The following MAP4K3 variants were observed in gnomAD, a reference collection of about 807,000 sequenced individuals.
MAP4K3 encodes mitogen-activated protein kinase kinase kinase kinase 3, also known as MAPK/ERK kinase kinase kinase 3.
A neutral mutation model predicts 143.5 loss-of-function variants in MAP4K3; 94 were observed. The ratio of observed to expected loss-of-function variants is 0.65; its 90% CI spans 0.55 to 0.78. The LOEUF (loss-of-function observed/expected upper bound fraction) is 0.78. Among genes scored for constraint, MAP4K3 ranks in the 30% least tolerant of loss-of-function variants. The pLI is 0.00. For synonymous variants in MAP4K3, 416 were observed against 347.2 expected, an observed-to-expected ratio of 1.20 and a Z score of -2.20; for missense variants, 1,077 against 1,068.1, an observed-to-expected ratio of 1.01 and a Z score of -0.12.
chr2:39,378,758 A>C (rs554622751), intron 1 of MAP4K3, among the ~76,000 whole-genome samples: 260 of 152,134 alleles, frequency 1.7e-3, no homozygotes, highest in Non-Finnish European at 3.2e-4. Flanking sequence ...TGCAAAACCT[A>C]TTTTTGTAAG....
intron 3 of MAP4K3, among the ~76,000 whole-genome samples, chr2:39,344,279 T>C (rs534630840): frequency 6.6e-6 from 1 of 152,350 alleles, no homozygotes; most frequent in African/African-American, 2.4e-5. Flanking sequence ...CAGGAAAATA[T>C]GGCCAGCGGA....
intron 19 of MAP4K3, 63 bp from the exon 20 acceptor site, chr2:39,288,343 C>G: frequency 7.0e-7 from 1 of 1,428,768 alleles, no homozygotes; most frequent in Non-Finnish European, 9.8e-7. Context: ...GAAGTAAGTA[C>G]TATTATACAT....
At chr2:39,251,548 T>C (rs770633548) in intron 33 of MAP4K3, among the ~76,000 whole-genome samples, 2 of 152,222 alleles carry the variant, frequency 1.3e-5, no homozygotes, top group African/African-American at 2.4e-5. Context: ...CAACACAAAG[T>C]TCTGTTCATT....
At chr2:39,326,117 G>GT (rs751749671) in intron 9 of MAP4K3, 29 bp downstream of exon 9, 22 of 1,601,378 alleles carry the variant, frequency 1.4e-5, no homozygotes, top group Non-Finnish European at 1.8e-5. Flanking sequence ...AACCTTAAGC[G>GT]TAAGATTCTT....
chr2:39,388,310 C>G (rs1355289545), intron 1 of MAP4K3, among the ~76,000 whole-genome samples: 1 of 152,174 alleles, frequency 6.6e-6, no homozygotes, highest in Non-Finnish European at 1.5e-5. Flanking sequence ...ATAAAATATC[C>G]TTCCATTACA....
intron 8 of MAP4K3, among the ~76,000 whole-genome samples, chr2:39,330,717 T>C (rs907310600): frequency 5.3e-5 from 8 of 152,100 alleles, no homozygotes; most frequent in East Asian, 1.9e-4. Flanking sequence ...CTTTATGGTA[T>C]AGAAAATTAT....
In MAP4K3 at chr2:39,289,009, G is replaced by A. The variant is rs3770667; in HGVS notation, c.1315-729C>T. On this transcript the variant is annotated intron_variant, in intron 19 of 33. Coordinates refer to ENST00000263881, the MANE Select transcript of MAP4K3 (RefSeq NM_003618.4). ...GTAGCTTGCAGTGAGCCAAGATAGC[G>A]CCACTGCAGTCCAGCCTGGGCGAAA... 9.4e-4 allele frequency among the ~76,000 whole-genome samples: 143 copies of A among 152,254 alleles called. No homozygotes were observed. In the East Asian group the frequency reaches 0.018, roughly 19 times the overall value.
intron 1 of MAP4K3, among the ~76,000 whole-genome samples, chr2:39,391,899 T>C (rs1419180635): frequency 2.6e-5 from 4 of 151,832 alleles, no homozygotes; most frequent in African/African-American, 7.3e-5. Context: ...AATGTGAAAA[T>C]GGGCCAGGCG....
chr2:39,307,894 A>G, intron 15 of MAP4K3, 49 bp downstream of exon 15: 2 of 1,374,308 alleles, frequency 1.5e-6, no homozygotes, highest in Non-Finnish European at 9.9e-7. Flanking sequence ...AAAGAAAACA[A>G]TTAAGACTAA....
intron 1 of MAP4K3, among the ~76,000 whole-genome samples, chr2:39,418,825 C>T (rs922525460): frequency 1.3e-5 from 2 of 152,118 alleles, no homozygotes; most frequent in African/African-American, 2.4e-5. Context: ...GTCTGTGAAG[C>T]TGTCACACAC....
At chr2:39,394,228 T>C (rs1371136625) in intron 1 of MAP4K3, among the ~76,000 whole-genome samples, 2 of 152,218 alleles carry the variant, frequency 1.3e-5, no homozygotes, top group East Asian at 1.9e-4. Context: ...ACATCTCATT[T>C]GCTTCTGTTA....
chr2:39,422,416 A>G (rs1004791747), intron 1 of MAP4K3, among the ~76,000 whole-genome samples: 24 of 152,198 alleles, frequency 1.6e-4, no homozygotes, highest in African/African-American at 5.3e-4. Context: ...CCATGTATAG[A>G]CACCAGGAGA....
chr2:39,270,121 A>C (rs890429611), intron 26 of MAP4K3, among the ~76,000 whole-genome samples: 1 of 152,198 alleles, frequency 6.6e-6, no homozygotes, highest in African/African-American at 2.4e-5. Context: ...AAAACACTGA[A>C]CTAGTCAAAA....
In MAP4K3 at chr2:39,265,274, A is replaced by T; in HGVS notation, c.2065T>A (p.Cys689Ser). The T allele has an allele frequency of 6.2e-7, 1 of 1,613,266 alleles. No homozygotes were observed. The highest frequency in any genetic ancestry group is 1.3e-5 in the African/African-American group (1 of 75,028). The change falls in exon 28 of 34, where the codon TGT becomes AGT. Residue 689 changes from cysteine (C) to serine (S), a missense_variant. By Grantham distance (112) the Cys-to-Ser change is moderately radical. Transcript: ENST00000263881. ...RNPYTGHKYLCGALQTSIVLL... is the reference protein window; with the variant it reads ...RNPYTGHKYLSGALQTSIVLL... ...ACAATGCTAGTCTGAAGTGCTCCAC[A>T]TAGGTATTTATGGCCCGTGTAAGGA...
Position 39,401,645 on chromosome 2 carries a change from C to CA in MAP4K3, c.97-23523dup, listed in dbSNP as rs200964821. Among the ~76,000 whole-genome samples, 930 of 150,398 alleles carry CA rather than the reference C, an allele frequency of 6.2e-3. 6 individuals carry two copies. Among genetic ancestry groups the CA allele is most frequent in the Non-Finnish European group, 0.011 (754 of 67,470 alleles). ...CGAAACCCATCTCTACAAGAAAATA[C>CA]AAAAAAAAAGCCAGGCATGGTGGCC... On this transcript the variant is annotated intron_variant, in intron 1 of 33. Coordinates refer to ENST00000263881, the MANE Select transcript of MAP4K3 (RefSeq NM_003618.4).
Position 39,312,651 on chromosome 2 carries a change from C to T in MAP4K3, c.997+2659G>A, listed in dbSNP as rs984365584. Among the ~76,000 whole-genome samples the T allele has an allele frequency of 2.0e-5, 3 of 152,134 alleles. No homozygotes were observed. In the East Asian group the frequency reaches 5.8e-4, roughly 29 times the overall value. The stretch of plus-strand genomic sequence containing the variant: ...ATATGCTTTTAAGCTGTTAATGGCT[C>T]AGATATCAAATGGCCCTTAGATCTG... On this transcript the variant is annotated intron_variant, in intron 13 of 33. Coordinates refer to ENST00000263881, the MANE Select transcript of MAP4K3 (RefSeq NM_003618.4).
At chr2:39,365,217 T>C (rs1288124974) in intron 2 of MAP4K3, among the ~76,000 whole-genome samples, 1 of 152,142 alleles carries the variant, frequency 6.6e-6, no homozygotes, top group Non-Finnish European at 1.5e-5. Context: ...TGTTCACTAG[T>C]CTTAAGATCT....
intron 12 of MAP4K3, among the ~76,000 whole-genome samples, chr2:39,322,448 C>T (rs1269991892): frequency 6.6e-6 from 1 of 151,888 alleles, no homozygotes; most frequent in African/African-American, 2.4e-5. Flanking sequence ...GAGACGAAAA[C>T]TGAATAAAAA....
intron 2 of MAP4K3, among the ~76,000 whole-genome samples, chr2:39,374,106 T>C (rs1287732011): frequency 1.3e-5 from 2 of 152,108 alleles, no homozygotes; most frequent in East Asian, 3.9e-4. Flanking sequence ...CCACGAAAAT[T>C]AAAAATGGCT....
Sources: gnomAD v4.1 joint callset for allele counts (sites outside exome capture counted in the v4.1 genomes callset) on GRCh38, gnomAD v4.1.1 for gene constraint, MANE v1.5 for transcripts, NCBI Gene and HGNC (gene_info 2026-07-23, HGNC 2026-07-21) for gene names.